IL21R: variants seen among roughly 807,000 people sequenced by gnomAD.
IL21R encodes interleukin-21 receptor.
In IL21R, 14 loss-of-function variants were observed where a neutral mutation model predicts 41.3. The observed-to-expected ratio is 0.34, with a 90% CI of 0.22 to 0.53. IL21R has a LOEUF of 0.53. Ranked by LOEUF, IL21R falls within the 20% of genes least tolerant of loss-of-function variation. The probability of loss-of-function intolerance (pLI) is 0.94; values close to 1 mark genes in which losing one functional copy is unlikely to be tolerated. For synonymous variants in IL21R, 286 were observed against 287.6 expected (o/e 0.99, Z 0.05); for missense variants, 588 against 681.6 (o/e 0.86, Z 1.53).
chr16:27,433,237 C>T (rs756986763), intron 2 of IL21R, among the ~76,000 whole-genome samples: 3 of 152,160 alleles, frequency 2.0e-5, no homozygotes, highest in Non-Finnish European at 4.4e-5. Context: ...GAGGCTGAGG[C>T]AGGTGGATCG....
intron 1 of IL21R, among the ~76,000 whole-genome samples, chr16:27,412,383 TCTTCTC>T (rs372615173): frequency 0.036 from 5,416 of 151,822 alleles, 137 homozygotes; most frequent in South Asian, 0.11. Flanking sequence ...CCTCCAGCTT[TCTTCTC>T]CTTCTCCTTC....
chr16:27,415,898 G>A (rs2086889223), intron 1 of IL21R, among the ~76,000 whole-genome samples: 1 of 152,168 alleles, frequency 6.6e-6, no homozygotes, highest in South Asian at 2.1e-4. Context: ...GACCTTGACT[G>A]AATTTATGTT....
chr16:27,437,100 AGAGAAG>A (rs2087283199), intron 3 of IL21R, among the ~76,000 whole-genome samples: 1 of 152,120 alleles, frequency 6.6e-6, no homozygotes. Flanking sequence ...GACAGAAAGG[AGAGAAG>A]GAAACCCAAA....
At chr16:27,434,762 T>C (rs1028038489) in intron 3 of IL21R, among the ~76,000 whole-genome samples, 3 of 152,062 alleles carry the variant, frequency 2.0e-5, no homozygotes, top group Non-Finnish European at 4.4e-5. Flanking sequence ...CCCCCAACCC[T>C]CACAATGATT....
intron 1 of IL21R, among the ~76,000 whole-genome samples, chr16:27,406,849 C>A (rs1370100359): frequency 6.6e-6 from 1 of 152,260 alleles, no homozygotes; most frequent in African/African-American, 2.4e-5. Flanking sequence ...CAAGTTCCCA[C>A]TGTGAGTGAA....
intron 1 of IL21R, among the ~76,000 whole-genome samples, chr16:27,426,655 G>A (rs1488074472): frequency 6.6e-6 from 1 of 152,238 alleles, no homozygotes; most frequent in African/African-American, 2.4e-5. Flanking sequence ...AGTCCGTGAA[G>A]CACTACCACA....
intron 1 of IL21R, among the ~76,000 whole-genome samples, chr16:27,419,890 C>CT (rs369538447): frequency 0.026 from 3,561 of 134,390 alleles, 65 homozygotes; most frequent in Non-Finnish European, 0.038. Flanking sequence ...TATATGCTAT[C>CT]TTTTTTTTTT....
chr16:27,421,791 GA>G (rs2087004931), intron 1 of IL21R, among the ~76,000 whole-genome samples: 1 of 152,016 alleles, frequency 6.6e-6, no homozygotes, highest in South Asian at 2.1e-4. Flanking sequence ...GTATATACAA[GA>G]TCATATTATC....
At chr16:27,431,717 C>A (rs1051559401) in intron 2 of IL21R, among the ~76,000 whole-genome samples, 1 of 151,912 alleles carries the variant, frequency 6.6e-6, no homozygotes, top group Admixed American at 6.6e-5. Context: ...ATGGTGCAAT[C>A]TTGGCTCACT....
At chr16:27,444,001 C>T (rs950661182) in intron 5 of IL21R, 3 of 151,992 alleles carry the variant, frequency 2.0e-5, no homozygotes, top group Admixed American at 6.5e-5. Flanking sequence ...GAGTGCCATA[C>T]TTTAGAAAGT....
At chr16:27,437,827 T>A (rs775175954) in intron 4 of IL21R, 140 bp downstream of exon 4, 4 of 669,900 alleles carry the variant, frequency 6.0e-6, no homozygotes, top group Non-Finnish European at 1.0e-5. Context: ...TACACCCAGC[T>A]AATTTTTGTA....
chr16:27,414,622 CCTAT>C (rs1489253558), intron 1 of IL21R, among the ~76,000 whole-genome samples: 2 of 142,072 alleles, frequency 1.4e-5, no homozygotes, highest in African/African-American at 2.7e-5. Flanking sequence ...TCTTTTTTGA[CCTAT>C]CTATTCTTCC....
At chr16:27,412,407 CCTT>C (rs746285176) in intron 1 of IL21R, among the ~76,000 whole-genome samples, 6 of 144,166 alleles carry the variant, frequency 4.2e-5, no homozygotes, top group African/African-American at 1.1e-4. Flanking sequence ...TTCTCCTTCT[CCTT>C]CTTCTTCTTC....
chr16:27,425,712 C>T (rs546788224), intron 1 of IL21R, among the ~76,000 whole-genome samples: 1 of 152,178 alleles, frequency 6.6e-6, no homozygotes, highest in African/African-American at 2.4e-5. Flanking sequence ...CACACCATCA[C>T]ACCCGGCTAA....
intron 3 of IL21R, among the ~76,000 whole-genome samples, chr16:27,435,540 A>G (rs1473501210): frequency 6.6e-6 from 1 of 151,274 alleles, no homozygotes; most frequent in African/African-American, 2.4e-5. Flanking sequence ...TGTAGCCTTG[A>G]CCTCCTGGGC....
At chr16:27,448,404 G>A (rs564196933) in intron 8 of IL21R, 130 bp from the exon 9 acceptor site, 137 of 966,942 alleles carry the variant, frequency 1.4e-4, no homozygotes, top group African/African-American at 2.1e-4. Context: ...GCAGTGAACC[G>A]AGATGGCACC....
In IL21R at chr16:27,445,488, C is replaced by T. The variant is rs562835875; in HGVS notation, c.785+212C>T. ...CTATGAGCTTGAGACACTGCAGTTGCCCTTATTTTACAAATGGAGAAACTG... is the reference window on the plus strand; with the variant it reads ...CTATGAGCTTGAGACACTGCAGTTGTCCTTATTTTACAAATGGAGAAACTG... On this transcript the variant is annotated intron_variant, in intron 7 of 8. Transcript: ENST00000337929. 2.6e-5 allele frequency among the ~76,000 whole-genome samples: 4 copies of T among 152,298 alleles called. No individual in the cohort carries two copies. In the South Asian group the frequency reaches 8.3e-4, roughly 32 times the overall value.
At chr16:27,441,535 C>G (rs1487413937) in intron 4 of IL21R, among the ~76,000 whole-genome samples, 1 of 152,200 alleles carries the variant, frequency 6.6e-6, no homozygotes, top group African/African-American at 2.4e-5. Context: ...GCAGGGCAGC[C>G]AGGCAGGCTC....
chr16:27,403,233 C>T, intron 1 of IL21R: 2 of 1,333,050 alleles, frequency 1.5e-6, no homozygotes, highest in Non-Finnish European at 2.0e-6. Context: ...AAGAGGCCAA[C>T]CCAGTTCCCT....
Sources: gnomAD v4.1 joint callset for allele counts (sites outside exome capture counted in the v4.1 genomes callset) on GRCh38, gnomAD v4.1.1 for gene constraint, MANE v1.5 for transcripts, NCBI Gene and HGNC (gene_info 2026-07-23, HGNC 2026-07-21) for gene names.